REXO5: variants seen among roughly 807,000 people sequenced by gnomAD.
REXO5 encodes the protein RNA exonuclease 5.
REXO5 carries 48 observed loss-of-function variants against 88.5 expected under a neutral mutation model. That is an observed-to-expected ratio of 0.54 (90% CI 0.43 to 0.69). The LOEUF (loss-of-function observed/expected upper bound fraction) is 0.69, where lower values mean the gene tolerates loss of function less well. Among genes scored for constraint, REXO5 ranks in the 30% least tolerant of loss-of-function variants. The pLI, the probability that REXO5 is intolerant of heterozygous loss-of-function variation, is 0.00. For missense variants in REXO5, 749 were observed against 912.2 expected (o/e 0.82, Z 2.30); for synonymous variants, 311 against 336.5 (o/e 0.92, Z 0.83).
At position 20,849,532 on chromosome 16, in the gene REXO5, C is replaced by A. The variant is rs1367045037; in HGVS notation, c.*52C>A. 6.5e-7 allele frequency: 1 copy of A among 1,531,782 alleles called. No homozygotes were observed. The highest frequency in any genetic ancestry group is 1.1e-5 in the South Asian group (1 of 89,212). 94.9% of individuals were successfully genotyped at this position (1,531,782 alleles called of 1,614,324 possible). ...ATTTCTTACCCCTTGTAGGCAATGG[C>A]AAAGAATGTGGTCAGGCTGTAGCCT... On this transcript the variant is annotated 3_prime_UTR_variant, in exon 20 of 20. Transcript: ENST00000261377.
Position 20,816,156 on chromosome 16 carries a change from ATGT to A in REXO5, c.425_427del (p.Val142del). 1 of 1,614,110 alleles carries A rather than the reference ATGT, an allele frequency of 6.2e-7. No individual in the cohort carries two copies. On this transcript the variant is annotated inframe_deletion, in exon 5 of 20. Transcript: ENST00000261377. ...CCACCATCATCTGATTTTCTAGCTG[ATGT>A]TGTTGGGCTACAAACTGAACAAAGA...
At chr16:20,839,726 C>A in intron 13 of REXO5, 29 bp from the exon 14 acceptor site, 2 of 1,514,552 alleles carry the variant, frequency 1.3e-6, no homozygotes, top group Non-Finnish European at 1.8e-6. Flanking sequence ...GAGGTTCCTA[C>A]CTTATCCAGG....
At chr16:20,844,955 C>G in intron 17 of REXO5, 99 bp from the exon 18 acceptor site, 1 of 1,541,682 alleles carries the variant, frequency 6.5e-7, no homozygotes, top group Non-Finnish European at 8.9e-7. Context: ...GGCAGCAGTT[C>G]CTGATTCTGT....
rs765547471 is a variant in REXO5, at chr16:20,832,245, G to A, written c.1248G>A (p.Gln416=). The A allele has an allele frequency of 6.2e-6, 10 of 1,607,310 alleles. No homozygotes were observed. The change falls in exon 12 of 20, where the codon CAG becomes CAA. Residue 416 remains glutamine (Q), a synonymous_variant. Coordinates refer to ENST00000261377, the MANE Select transcript of REXO5 (RefSeq NM_030941.3). ...CTAAAAACACAGCAGAAGTACTTCA[G>A]CACCCAAACACAAGGTAATATTTTC... ...QEPKNTAEVL[Q]HPNTSVLECL...
At chr16:20,839,898 CTTA>C (rs1289423358) in intron 14 of REXO5, 39 bp downstream of exon 14, 8 of 1,261,148 alleles carry the variant, frequency 6.3e-6, no homozygotes, top group African/African-American at 5.9e-5. Context: ...TATTTAGTGA[CTTA>C]TTATAACCTC....
At chr16:20,845,489 G>A (rs542405074) in intron 18 of REXO5, among the ~76,000 whole-genome samples, 24 of 152,208 alleles carry the variant, frequency 1.6e-4, no homozygotes, top group African/African-American at 5.8e-4. Flanking sequence ...GGAAGTCAGA[G>A]AGCTGGACAA....
chr16:20,806,848 A>T, intron 1 of REXO5, 104 bp from the exon 2 acceptor site: 1 of 1,436,864 alleles, frequency 7.0e-7, no homozygotes, highest in Non-Finnish European at 9.2e-7. Flanking sequence ...GATCCGAGGG[A>T]GGTTGAAAGC....
intron 11 of REXO5, among the ~76,000 whole-genome samples, chr16:20,831,951 T>C (rs2081351764): frequency 6.6e-6 from 1 of 152,192 alleles, no homozygotes; most frequent in Non-Finnish European, 1.5e-5. Context: ...AGATTGCCGG[T>C]CTTGGCTAAG....
chr16:20,822,323 C>T (rs1167349935), intron 6 of REXO5, among the ~76,000 whole-genome samples: 1 of 152,148 alleles, frequency 6.6e-6, no homozygotes, highest in Non-Finnish European at 1.5e-5. Context: ...GGCTCGGAGC[C>T]TTGGTCAATT....
intron 5 of REXO5, among the ~76,000 whole-genome samples, chr16:20,817,312 G>A (rs1246583063): frequency 6.6e-6 from 1 of 152,154 alleles, no homozygotes; most frequent in Non-Finnish European, 1.5e-5. Flanking sequence ...GATTTGCACT[G>A]TATTTTAAAC....
At chr16:20,807,738 TAAAA>T (rs56126602) in intron 2 of REXO5, among the ~76,000 whole-genome samples, 1 of 141,960 alleles carries the variant, frequency 7.0e-6, no homozygotes, top group Non-Finnish European at 1.5e-5. Flanking sequence ...CCCCATCTCT[TAAAA>T]AAAAAAAACA....
chr16:20,819,720 A>T lies in REXO5; in HGVS notation c.476-2042A>T, dbSNP rs189508092. ...CAGTGAGCCGAGATCGCGCCATTGC[A>T]CTCCAGCCTGGGCAACAAGAGCGAA... is the stretch of plus-strand genomic sequence containing the variant. On this transcript the variant is annotated intron_variant, in intron 5 of 19. Transcript: ENST00000261377. 4.6e-3 allele frequency among the ~76,000 whole-genome samples: 683 copies of T among 148,750 alleles called. 6 individuals are homozygous for T. The highest frequency in any genetic ancestry group is 0.016 in the African/African-American group (633 of 40,578).
intron 13 of REXO5, among the ~76,000 whole-genome samples, chr16:20,838,725 C>G (rs1431700763): frequency 6.6e-6 from 1 of 152,176 alleles, no homozygotes; most frequent in Non-Finnish European, 1.5e-5. Context: ...CAAACAAGGC[C>G]TTCTTCAGTC....
At chr16:20,825,387 T>G (rs2081245239) in intron 7 of REXO5, among the ~76,000 whole-genome samples, 1 of 152,180 alleles carries the variant, frequency 6.6e-6, no homozygotes, top group Non-Finnish European at 1.5e-5. Context: ...CAAATACCCC[T>G]AACCTATCAG....
chr16:20,817,399 TG>T (rs777524996), intron 5 of REXO5, among the ~76,000 whole-genome samples: 3 of 152,162 alleles, frequency 2.0e-5, no homozygotes, highest in Non-Finnish European at 4.4e-5. Flanking sequence ...AAAGAAAAGA[TG>T]TAATCAGGAA....
intron 2 of REXO5, among the ~76,000 whole-genome samples, chr16:20,807,576 C>G (rs2080910741): frequency 7.9e-6 from 1 of 126,760 alleles, no homozygotes; most frequent in Admixed American, 8.9e-5. Context: ...AGAAAGAAAT[C>G]ACGTCTCAGA....
At chr16:20,828,261 A>C (rs2081286951) in intron 10 of REXO5, among the ~76,000 whole-genome samples, 174 bp from the exon 11 acceptor site, 1 of 152,116 alleles carries the variant, frequency 6.6e-6, no homozygotes, top group Non-Finnish European at 1.5e-5. Flanking sequence ...TTGCACCCCC[A>C]GTTCCTCTCG....
In REXO5 at chr16:20,821,801, A is replaced by G; in HGVS notation, c.515A>G (p.Gln172Arg). 1 of 1,604,112 alleles carries G rather than the reference A, an allele frequency of 6.2e-7. No individual in the cohort carries two copies. The highest frequency in any genetic ancestry group is 8.5e-7 in the Non-Finnish European group (1 of 1,177,370). ...PSNAKAAINL[Q>R]DDPIIQKYGS... Reference sequence around the variant, plus strand: ...AATGCAAAAGCCGCCATCAACCTTCAGGATGATCCCATCATTCAAAAGTAT... The same window carrying G: ...AATGCAAAAGCCGCCATCAACCTTCGGGATGATCCCATCATTCAAAAGTAT... Residue 172 changes from glutamine to arginine, a missense_variant, in exon 6 of 20, where the codon CAG (glutamine) becomes CGG (arginine). By Grantham distance (43) the Gln-to-Arg change is conservative (BLOSUM62 1). Transcript: ENST00000261377.
At chr16:20,832,081 C>A in intron 11 of REXO5, 75 bp from the exon 12 acceptor site, 2 of 1,018,898 alleles carry the variant, frequency 2.0e-6, no homozygotes, top group Non-Finnish European at 3.0e-6. Flanking sequence ...GTTGTTGTTG[C>A]TTTTTGTTTT....
Sources: allele counts gnomAD v4.1 joint callset (sites outside exome capture counted in the v4.1 genomes callset), GRCh38; gene constraint gnomAD v4.1.1; transcripts MANE v1.5; gene names NCBI Gene and HGNC (gene_info 2026-07-23, HGNC 2026-07-21).